The following BTRC variants were observed in gnomAD, a reference collection of about 807,000 sequenced individuals.
BTRC encodes beta-transducin repeat containing E3 ubiquitin protein ligase.
BTRC carries 42 observed loss-of-function variants against 85.5 expected under a neutral mutation model. The ratio of observed to expected loss-of-function variants is 0.49; its 90% CI spans 0.38 to 0.64. The LOEUF (loss-of-function observed/expected upper bound fraction) is 0.64. BTRC is among the 30% of genes least tolerant of loss of function. The pLI is 0.00. For missense variants in BTRC, 594 were observed against 743.5 expected (o/e 0.80, Z 2.34); for synonymous variants, 255 against 263.3 (o/e 0.97, Z 0.30).
At chr10:101,423,605 G>A (rs1399062581) in intron 1 of BTRC, among the ~76,000 whole-genome samples, 3 of 152,170 alleles carry the variant, frequency 2.0e-5, no homozygotes, top group Non-Finnish European at 2.9e-5. Context: ...ACACATTTGA[G>A]TATTATTTCT....
At chr10:101,531,699 C>T (rs184415577) in intron 7 of BTRC, among the ~76,000 whole-genome samples, 171 of 150,642 alleles carry the variant, frequency 1.1e-3, no homozygotes, top group African/African-American at 3.7e-3. Flanking sequence ...CCCTCCTGAA[C>T]GACAGAGCGA....
At position 101,368,464 on chromosome 10, in the gene BTRC, C is replaced by CTTTT. The variant is rs60190021; in HGVS notation, c.48+14265_48+14268dup. Among the ~76,000 whole-genome samples, 21 of 75,344 alleles carry CTTTT rather than the reference C, an allele frequency of 2.8e-4. 1 individual carries two copies. Among genetic ancestry groups the CTTTT allele is most frequent in the African/African-American group, 9.6e-4 (15 of 15,606 alleles). 49.4% of individuals were successfully genotyped at this position (75,344 alleles called of 152,430 possible). Reference sequence around the variant, plus strand: ...TAGTAGAACCTATGCAACTGTTTTTCTTTTTTTTTTTTTTTTTTTTTTTTT... The same window carrying CTTTT: ...TAGTAGAACCTATGCAACTGTTTTTCTTTTTTTTTTTTTTTTTTTTTTTTTTTTT... On this transcript the variant is annotated intron_variant, in intron 1 of 14. Transcript: ENST00000370187.
intron 4 of BTRC, among the ~76,000 whole-genome samples, chr10:101,499,004 CAG>C (rs1375872082): frequency 3.3e-5 from 5 of 151,022 alleles, no homozygotes; most frequent in African/African-American, 9.7e-5. Flanking sequence ...AAAAAAAAAA[CAG>C]AAAAAAATAA....
At chr10:101,504,919 T>C (rs535461342) in intron 4 of BTRC, among the ~76,000 whole-genome samples, 33 of 151,636 alleles carry the variant, frequency 2.2e-4, no homozygotes, top group Non-Finnish European at 2.6e-4. Flanking sequence ...ATTCTTCAAA[T>C]ATTTGACTAA....
At chr10:101,546,347 A>G (rs2062557850) in intron 13 of BTRC, among the ~76,000 whole-genome samples, 1 of 152,246 alleles carries the variant, frequency 6.6e-6, no homozygotes, top group African/African-American at 2.4e-5. Flanking sequence ...AGATTAAACA[A>G]CACACCTCTA....
chr10:101,444,320 T>C (rs922377348), intron 2 of BTRC, among the ~76,000 whole-genome samples: 3 of 152,218 alleles, frequency 2.0e-5, no homozygotes, highest in Non-Finnish European at 1.5e-5. Context: ...TCTTCAGAAC[T>C]GGTAGTTCCC....
intron 1 of BTRC, among the ~76,000 whole-genome samples, chr10:101,392,750 C>T (rs1286258823): frequency 1.3e-5 from 2 of 152,130 alleles, no homozygotes; most frequent in Non-Finnish European, 2.9e-5. Flanking sequence ...TCTCGAACTC[C>T]TGACCTCAGG....
intron 13 of BTRC, among the ~76,000 whole-genome samples, chr10:101,546,060 G>C (rs2062553383): frequency 6.6e-6 from 1 of 152,222 alleles, no homozygotes; most frequent in Admixed American, 6.5e-5. Context: ...GTAATGGACA[G>C]ATCTGGCAGG....
intron 1 of BTRC, among the ~76,000 whole-genome samples, chr10:101,409,748 T>C (rs1943725619): frequency 6.6e-6 from 1 of 152,254 alleles, no homozygotes. Context: ...ATGCAGTTCA[T>C]TGTTGACTAA....
intron 2 of BTRC, among the ~76,000 whole-genome samples, chr10:101,454,901 T>C (rs1486155848): frequency 6.6e-6 from 1 of 152,074 alleles, no homozygotes; most frequent in Admixed American, 6.6e-5. Flanking sequence ...CTTGGTGTAA[T>C]ATAGTAGGGA....
intron 3 of BTRC, among the ~76,000 whole-genome samples, chr10:101,478,775 C>A: frequency 7.2e-6 from 1 of 138,222 alleles, no homozygotes. Context: ...GAGTAAGACC[C>A]TATCTCAAAA....
At chr10:101,460,640 G>A (rs534039777) in intron 2 of BTRC, among the ~76,000 whole-genome samples, 1 of 152,294 alleles carries the variant, frequency 6.6e-6, no homozygotes, top group South Asian at 2.1e-4. Flanking sequence ...AGCCACAGAG[G>A]TGAAAGGGCC....
At chr10:101,416,322 T>A (rs1943945390) in intron 1 of BTRC, among the ~76,000 whole-genome samples, 1 of 152,246 alleles carries the variant, frequency 6.6e-6, no homozygotes, top group South Asian at 2.1e-4. Context: ...GTTTGTTTTT[T>A]AATTTGGCCA....
At chr10:101,441,763 C>T (rs979043033) in intron 2 of BTRC, among the ~76,000 whole-genome samples, 7 of 151,708 alleles carry the variant, frequency 4.6e-5, no homozygotes, top group African/African-American at 1.7e-4. Context: ...TGCCTGTGAT[C>T]CCAGCTGCTT....
intron 1 of BTRC, among the ~76,000 whole-genome samples, chr10:101,389,119 GTT>G (rs1188561028): frequency 1.4e-4 from 6 of 41,550 alleles, no homozygotes; most frequent in African/African-American, 6.5e-4. Flanking sequence ...TTTTGTGTGT[GTT>G]TTTTTTTTTT....
At chr10:101,507,651 A>AT (rs1030683768) in intron 4 of BTRC, among the ~76,000 whole-genome samples, 8 of 151,526 alleles carry the variant, frequency 5.3e-5, no homozygotes, top group South Asian at 4.2e-4. Context: ...GTCATGGAAG[A>AT]TTTTTTTTTG....
intron 4 of BTRC, among the ~76,000 whole-genome samples, chr10:101,506,767 T>G (rs1264906629): frequency 2.0e-5 from 3 of 152,198 alleles, no homozygotes; most frequent in African/African-American, 7.2e-5. Flanking sequence ...ACAACTGAAG[T>G]TTACTTATTT....
At chr10:101,380,001 G>C (rs570008325) in intron 1 of BTRC, among the ~76,000 whole-genome samples, 2 of 152,092 alleles carry the variant, frequency 1.3e-5, no homozygotes, top group African/African-American at 4.8e-5. Flanking sequence ...TTGCTGAATG[G>C]ACTAGTTATA....
At chr10:101,401,846 A>G (rs1210588652) in intron 1 of BTRC, among the ~76,000 whole-genome samples, 2 of 151,672 alleles carry the variant, frequency 1.3e-5, no homozygotes, top group African/African-American at 4.8e-5. Flanking sequence ...TCAAAAAAAA[A>G]AAAAAAAAGA....
Sources: allele counts gnomAD v4.1 joint callset (sites outside exome capture counted in the v4.1 genomes callset), GRCh38; gene constraint gnomAD v4.1.1; transcripts MANE v1.5; gene names NCBI Gene and HGNC (gene_info 2026-07-23, HGNC 2026-07-21).